The following RAB22A variants were observed in gnomAD, a reference collection of about 807,000 sequenced individuals.
RAB22A encodes the protein ras-related protein Rab-22A.
In RAB22A, 13 loss-of-function variants were observed where a neutral mutation model predicts 30.2. The observed-to-expected ratio is 0.43, with a 90% CI of 0.28 to 0.68. The LOEUF (loss-of-function observed/expected upper bound fraction) is 0.68. RAB22A is among the 30% of genes least tolerant of loss of function. The pLI is 0.18. For synonymous variants in RAB22A, 89 were observed against 87.2 expected (o/e 1.02, Z -0.11); for missense variants, 177 against 246.8 (o/e 0.72, Z 1.89).
chr20:58,314,614 G>A (rs1027374900), intron 2 of RAB22A, among the ~76,000 whole-genome samples: 1 of 152,154 alleles, frequency 6.6e-6, no homozygotes, highest in Admixed American at 6.5e-5. Flanking sequence ...GCCAAGACGG[G>A]TGGATCACCT....
intron 2 of RAB22A, among the ~76,000 whole-genome samples, chr20:58,340,921 G>T (rs546151508): frequency 6.6e-6 from 1 of 152,138 alleles, no homozygotes; most frequent in Admixed American, 6.5e-5. Flanking sequence ...TCAGTGGTCC[G>T]TGGGAAGGTG....
rs707557 is a variant in RAB22A, at chr20:58,367,256, C to T, written c.*7553C>T. On this transcript the variant is annotated 3_prime_UTR_variant, in exon 7 of 7. Coordinates refer to ENST00000244040, the MANE Select transcript of RAB22A (RefSeq NM_020673.3). ...CTAAGTGTATGTAAACCATATGATG[C>T]CTGTATTGTTTATAGATGCTGACAA... is the stretch of plus-strand genomic sequence containing the variant. 57,011 of 152,004 alleles carry T rather than the reference C, an allele frequency of 0.38. 10,894 individuals carry two copies. The highest frequency in any genetic ancestry group is 0.4 in the Non-Finnish European group (27,426 of 67,966). The allele number at this position is 152,004 out of a possible 1,614,324, so 9.4% of individuals were successfully genotyped here. A position where few individuals can be genotyped will look rare whatever the true frequency, so the allele number is the denominator to read the frequency against.
chr20:58,349,216 G>A (rs1402074146), intron 3 of RAB22A, among the ~76,000 whole-genome samples: 5 of 152,176 alleles, frequency 3.3e-5, no homozygotes, highest in Admixed American at 3.3e-4. Flanking sequence ...CTGTTTGAAG[G>A]CACTGCAGAG....
chr20:58,347,740 G>A lies in RAB22A; in HGVS notation c.198+3941G>A, dbSNP rs972649998. On this transcript the variant is annotated intron_variant, in intron 3 of 6. Coordinates refer to ENST00000244040, the MANE Select transcript of RAB22A (RefSeq NM_020673.3). ...GATAGAGTCTTTGTGAGACCATTTT[G>A]TCCCTATTATTTGCTATCTTGAATG... is the stretch of plus-strand genomic sequence containing the variant. Among the ~76,000 whole-genome samples the A allele has an allele frequency of 5.3e-5, 8 of 152,264 alleles. No individual in the cohort carries two copies. In the East Asian group the frequency reaches 1.4e-3, roughly 26 times the overall value.
intron 2 of RAB22A, among the ~76,000 whole-genome samples, chr20:58,330,446 C>T (rs1986642871): frequency 6.7e-6 from 1 of 148,736 alleles, no homozygotes; most frequent in African/African-American, 2.5e-5. Context: ...GTTACATCTA[C>T]TTTTTTTTTT....
Position 58,353,496 on chromosome 20 carries a change from T to C in RAB22A, c.335T>C (p.Val112Ala), listed in dbSNP as rs202115058. The part of the protein sequence containing the change: ...ELRQHGPPNI[V>A]VAIAGNKCDL... ...CGACAGCATGGCCCACCTAATATTG[T>C]AGTTGCCATTGCAGGAAATAAATGT... is the stretch of plus-strand genomic sequence containing the variant. The change falls in exon 5 of 7, where the codon GTA (valine) becomes GCA (alanine). Residue 112 changes from valine (V) to alanine (A), a missense_variant. By Grantham distance (64) the Val-to-Ala change is moderately conservative. Coordinates refer to ENST00000244040, the MANE Select transcript of RAB22A (RefSeq NM_020673.3). 1 of 1,612,296 alleles carries C rather than the reference T, an allele frequency of 6.2e-7. No individual in the cohort carries two copies. The highest frequency in any genetic ancestry group is 8.5e-7 in the Non-Finnish European group (1 of 1,178,452).
chr20:58,331,044 G>A (rs1386863571), intron 2 of RAB22A, among the ~76,000 whole-genome samples: 1 of 152,110 alleles, frequency 6.6e-6, no homozygotes, highest in African/African-American at 2.4e-5. Context: ...CTGGTGGTTT[G>A]TCCTCACCTT....
intron 3 of RAB22A, among the ~76,000 whole-genome samples, chr20:58,347,486 A>ATTTTTATGATAAGACAT (rs1456529680): frequency 3.3e-5 from 5 of 152,212 alleles, no homozygotes; most frequent in Admixed American, 6.5e-5. Context: ...ATATTTTTGT[A>ATTTTTATGATAAGACAT]AAAATTTGTC....
chr20:58,341,591 A>G (rs1483249181), intron 2 of RAB22A, among the ~76,000 whole-genome samples: 1 of 152,140 alleles, frequency 6.6e-6, no homozygotes, highest in Non-Finnish European at 1.5e-5. Context: ...GCGTGGTGAA[A>G]GTGATGAAAG....
intron 2 of RAB22A, among the ~76,000 whole-genome samples, chr20:58,319,783 C>T (rs575936729): frequency 1.3e-5 from 2 of 152,266 alleles, no homozygotes; most frequent in Admixed American, 6.5e-5. Flanking sequence ...ATGCCATTAT[C>T]AGGTTGAAGA....
At chr20:58,353,605 GT>G in intron 5 of RAB22A, 67 bp downstream of exon 5, 1 of 1,276,726 alleles carries the variant, frequency 7.8e-7, no homozygotes, top group Non-Finnish European at 1.1e-6. Context: ...GCAATATCCA[GT>G]TTAAGAATCT....
At chr20:58,333,944 G>C (rs1159015717) in intron 2 of RAB22A, among the ~76,000 whole-genome samples, 1 of 152,140 alleles carries the variant, frequency 6.6e-6, no homozygotes, top group Non-Finnish European at 1.5e-5. Context: ...TTTAGTCCTA[G>C]CTACTTGGGA....
intron 2 of RAB22A, among the ~76,000 whole-genome samples, chr20:58,329,373 T>C (rs149418736): frequency 1.3e-5 from 2 of 152,268 alleles, no homozygotes; most frequent in African/African-American, 4.8e-5. Flanking sequence ...TTTTGAGGTA[T>C]GTTTTTGCTA....
chr20:58,312,548 G>A (rs1457393546), intron 2 of RAB22A, among the ~76,000 whole-genome samples: 1 of 126,272 alleles, frequency 7.9e-6, no homozygotes, highest in Non-Finnish European at 1.6e-5. Flanking sequence ...GAGTGCAGTG[G>A]CGCGATCTTG....
At chr20:58,318,285 C>T (rs1986383757) in intron 2 of RAB22A, among the ~76,000 whole-genome samples, 1 of 152,162 alleles carries the variant, frequency 6.6e-6, no homozygotes, top group Non-Finnish European at 1.5e-5. Context: ...TATAACAGTG[C>T]CCTACTCTGA....
chr20:58,318,910 C>T (rs1161998746), intron 2 of RAB22A, among the ~76,000 whole-genome samples: 1 of 152,198 alleles, frequency 6.6e-6, no homozygotes, highest in African/African-American at 2.4e-5. Flanking sequence ...TGGGAATCCT[C>T]CTTGGCATCT....
chr20:58,324,455 C>T (rs186269296), intron 2 of RAB22A, among the ~76,000 whole-genome samples: 2 of 152,284 alleles, frequency 1.3e-5, no homozygotes, highest in African/African-American at 4.8e-5. Context: ...CCCTGTTTCA[C>T]TAATTTCTAC....
chr20:58,327,107 A>G (rs1305691473), intron 2 of RAB22A, among the ~76,000 whole-genome samples: 2 of 152,240 alleles, frequency 1.3e-5, no homozygotes, highest in African/African-American at 4.8e-5. Context: ...AGTGTGGGCA[A>G]TATAGTGAGA....
At chr20:58,318,380 A>C (rs922994141) in intron 2 of RAB22A, among the ~76,000 whole-genome samples, 1 of 152,166 alleles carries the variant, frequency 6.6e-6, no homozygotes. Flanking sequence ...ACATGCATGC[A>C]CAGGTTGAGT....
Sources: allele counts gnomAD v4.1 joint callset (sites outside exome capture counted in the v4.1 genomes callset), GRCh38; gene constraint gnomAD v4.1.1; transcripts MANE v1.5; gene names NCBI Gene and HGNC (gene_info 2026-07-23, HGNC 2026-07-21).